RP1: variants seen among roughly 807,000 people sequenced by gnomAD.
The protein encoded by RP1 is oxygen-regulated protein 1.
In RP1, 16 loss-of-function variants were observed where a neutral mutation model predicts 14.8. The ratio of observed to expected loss-of-function variants is 1.08; its 90% CI spans 0.73 to 1.65. The LOEUF is 1.65. Among genes scored for constraint, RP1 ranks in the 40% most tolerant of loss-of-function variants. RP1 has a pLI of 0.00. For synonymous variants in RP1, 876 were observed against 883.6 expected, an observed-to-expected ratio of 0.99 and a Z score of 0.15; for missense variants, 2,631 against 2,535.0, an observed-to-expected ratio of 1.04 and a Z score of -0.81.
chr8:54,639,358 A>G (rs1361016016), intron 3 of RP1, among the ~76,000 whole-genome samples: 1 of 152,182 alleles, frequency 6.6e-6, no homozygotes, highest in Non-Finnish European at 1.5e-5. Context: ...TTTGGTTATT[A>G]TGGATATAAG....
chr8:54,709,288 T>C (rs1808238583), intron 15 of RP1, among the ~76,000 whole-genome samples: 1 of 152,102 alleles, frequency 6.6e-6, no homozygotes, highest in Non-Finnish European at 1.5e-5. Flanking sequence ...CTGAAATGGG[T>C]GGGAGAACAC....
At chr8:54,843,593 A>C (rs1811841466) in intron 25 of RP1, among the ~76,000 whole-genome samples, 1 of 152,234 alleles carries the variant, frequency 6.6e-6, no homozygotes, top group Non-Finnish European at 1.5e-5. Context: ...TGATCTCACC[A>C]CAATGAGTGC....
intron 21 of RP1, among the ~76,000 whole-genome samples, chr8:54,757,390 G>A (rs941572516): frequency 1.3e-5 from 2 of 152,216 alleles, no homozygotes; most frequent in Non-Finnish European, 2.9e-5. Flanking sequence ...AGACCTCAAA[G>A]TGTTGTAGTT....
intron 24 of RP1, among the ~76,000 whole-genome samples, chr8:54,784,229 C>T (rs1328400201): frequency 6.6e-6 from 1 of 152,098 alleles, no homozygotes; most frequent in Non-Finnish European, 1.5e-5. Flanking sequence ...CTTTCTGTGC[C>T]TCACTTTCCT....
At chr8:54,630,939 T>A, downstream of RP1, 1 of 588,296 alleles carries the variant, frequency 1.7e-6, no homozygotes. Flanking sequence ...CTATCAAGTA[T>A]CAATTGGTTT....
At chr8:54,734,820 G>A in intron 18 of RP1, 1 of 1,224,148 alleles carries the variant, frequency 8.2e-7, no homozygotes, top group Non-Finnish European at 1.1e-6. Context: ...GTGTGTGTGT[G>A]TGTGTGTGTG....
At chr8:54,788,256 G>C (rs1229520593) in intron 24 of RP1, among the ~76,000 whole-genome samples, 1 of 152,176 alleles carries the variant, frequency 6.6e-6, no homozygotes, top group Non-Finnish European at 1.5e-5. Context: ...GGTTGGCTGA[G>C]CTAGAGCAAG....
At chr8:54,651,159 A>G (rs1806648996) in intron 4 of RP1, among the ~76,000 whole-genome samples, 1 of 152,124 alleles carries the variant, frequency 6.6e-6, no homozygotes. Context: ...AGTTTATTAT[A>G]ACGTATAATC....
intron 7 of RP1, among the ~76,000 whole-genome samples, chr8:54,667,909 A>G (rs1338781390): frequency 6.6e-6 from 1 of 152,174 alleles, no homozygotes. Context: ...TACCAGAGGT[A>G]CAAAGAGGAG....
chr8:54,806,707 A>T (rs954795257), intron 24 of RP1, among the ~76,000 whole-genome samples: 4 of 152,166 alleles, frequency 2.6e-5, no homozygotes, highest in East Asian at 1.9e-4. Context: ...CATCATAAAA[A>T]CTTAAGGAAT....
chr8:54,610,665 C>CA (rs2129309713), intron 1 of RP1, among the ~76,000 whole-genome samples: 1 of 152,282 alleles, frequency 6.6e-6, no homozygotes, highest in East Asian at 1.9e-4. Flanking sequence ...ATGTACTGGA[C>CA]AAAAATCTTA....
chr8:54,593,909 G>T (rs1263327692), intron 1 of RP1, among the ~76,000 whole-genome samples: 4 of 152,250 alleles, frequency 2.6e-5, no homozygotes, highest in African/African-American at 9.6e-5. Context: ...CACAGAGACT[G>T]GCCCACAGGG....
chr8:54,683,158 A>G (rs1356911238), intron 12 of RP1, among the ~76,000 whole-genome samples: 1 of 152,076 alleles, frequency 6.6e-6, no homozygotes, highest in Non-Finnish European at 1.5e-5. Context: ...ATTGGTCTAT[A>G]TATATCTGTT....
intron 16 of RP1, among the ~76,000 whole-genome samples, chr8:54,723,980 C>G (rs1475097054): frequency 1.3e-5 from 2 of 152,146 alleles, no homozygotes; most frequent in African/African-American, 4.8e-5. Flanking sequence ...TTAGTAACCC[C>G]TCAAAAATGC....
intron 7 of RP1, among the ~76,000 whole-genome samples, chr8:54,668,490 A>G (rs993039188): frequency 6.6e-6 from 1 of 152,212 alleles, no homozygotes; most frequent in Non-Finnish European, 1.5e-5. Flanking sequence ...CCATCAAGCT[A>G]CTAATGACTT....
At chr8:54,681,906 G>T (rs1442020755) in intron 12 of RP1, among the ~76,000 whole-genome samples, 3 of 152,142 alleles carry the variant, frequency 2.0e-5, no homozygotes, top group Admixed American at 6.5e-5. Context: ...GTATTCCATG[G>T]TGGTTAGGTA....
At chr8:54,668,264 T>C (rs185045879) in intron 7 of RP1, among the ~76,000 whole-genome samples, 234 of 152,232 alleles carry the variant, frequency 1.5e-3, no homozygotes, top group African/African-American at 5.5e-3. Flanking sequence ...ATGAGTGAAC[T>C]TCCATTCACA....
At chr8:54,762,823 A>C (rs1809673329) in intron 22 of RP1, among the ~76,000 whole-genome samples, 1 of 152,090 alleles carries the variant, frequency 6.6e-6, no homozygotes, top group South Asian at 2.1e-4. Context: ...CTTCTGCTGC[A>C]TGCTCACTGT....
chr8:54,624,593 C>A, intron 3 of RP1, 77 bp from the exon 4 acceptor site: 1 of 1,445,158 alleles, frequency 6.9e-7, no homozygotes, highest in Non-Finnish European at 9.7e-7. Context: ...CTGCCTCTTC[C>A]TTTGGATATT....
Sources: allele counts gnomAD v4.1 joint callset (sites outside exome capture counted in the v4.1 genomes callset), GRCh38; gene constraint gnomAD v4.1.1; transcripts MANE v1.5; gene names NCBI Gene and HGNC (gene_info 2026-07-23, HGNC 2026-07-21).